ANKFN1: variants seen among roughly 807,000 people sequenced by gnomAD.
The protein encoded by ANKFN1 is ankyrin repeat and fibronectin type-III domain-containing protein 1.
In ANKFN1, 74 loss-of-function variants were observed where a neutral mutation model predicts 108.7. The ratio of observed to expected loss-of-function variants is 0.68; its 90% confidence interval spans 0.56 to 0.83. The LOEUF (loss-of-function observed/expected upper bound fraction) is 0.83, where lower values mean the gene tolerates loss of function less well. Among genes scored for constraint, ANKFN1 ranks in the 40% least tolerant of loss-of-function variants. ANKFN1 has a pLI of 0.00. For missense variants in ANKFN1, 1,505 were observed against 1,382.3 expected, an observed-to-expected ratio of 1.09 and a Z score of -1.41; for synonymous variants, 547 against 516.2, an observed-to-expected ratio of 1.06 and a Z score of -0.81.
Position 56,368,179 on chromosome 17 carries a change from G to C in ANKFN1, c.602-4467G>C. 3.0e-6 allele frequency: 4 copies of C among 1,322,126 alleles called. No homozygotes were observed. In the South Asian group the frequency reaches 6.3e-5, roughly 21 times the overall value. 81.9% of individuals were successfully genotyped at this position (1,322,126 alleles called of 1,614,324 possible). On this transcript the variant is annotated intron_variant, in intron 6 of 20. Transcript: ENST00000682825. ...GACTGATCCAGAGAATGAACCTTTT[G>C]ATGAAGATCAGCATACACAAATTAC...
intron 3 of ANKFN1, among the ~76,000 whole-genome samples, chr17:56,304,145 C>T (rs1318418239): frequency 6.6e-6 from 1 of 152,116 alleles, no homozygotes. Context: ...TATGATCACA[C>T]CCACTTCCCT....
intron 8 of ANKFN1, among the ~76,000 whole-genome samples, chr17:56,421,285 G>A (rs1305095255): frequency 3.9e-5 from 6 of 152,208 alleles, no homozygotes; most frequent in African/African-American, 9.7e-5. Flanking sequence ...TTAGAGGAAT[G>A]AGATGCCTCA....
intron 2 of ANKFN1, among the ~76,000 whole-genome samples, chr17:56,218,682 C>A (rs1915619638): frequency 6.6e-6 from 1 of 152,186 alleles, no homozygotes; most frequent in Non-Finnish European, 1.5e-5. Flanking sequence ...ATCACCAGAG[C>A]CATCCTTCAC....
At chr17:56,080,766 A>G (rs1396915610) in intron 4 of ANKFN1, among the ~76,000 whole-genome samples, 8 of 152,204 alleles carry the variant, frequency 5.3e-5, no homozygotes, top group Non-Finnish European at 8.8e-5. Context: ...GTATGTATAC[A>G]CGTTTTATGT....
In ANKFN1 at chr17:56,457,358, C is replaced by T; in HGVS notation, c.1409C>T (p.Ser470Phe). ...GAAATAGATGACTCTCACACCAGTT[C>T]TATTACACAAGATTTTCTGTGGTTC... ...IVEIDDSHTS[S>F]ITQDFLWFTK... Residue 470 changes from serine to phenylalanine, a missense_variant, in exon 13 of 21, where the codon TCT becomes TTT. Coordinates refer to ENST00000682825, the MANE Select transcript of ANKFN1 (RefSeq NM_001370326.1). 1 of 1,603,140 alleles carries T rather than the reference C, an allele frequency of 6.2e-7. No individual in the cohort carries two copies. The highest frequency in any genetic ancestry group is 8.5e-7 in the Non-Finnish European group (1 of 1,177,512).
At chr17:56,096,085 C>A (rs987815267) in intron 4 of ANKFN1, among the ~76,000 whole-genome samples, 2 of 152,110 alleles carry the variant, frequency 1.3e-5, no homozygotes, top group Non-Finnish European at 2.9e-5. Context: ...TTGTTGTTAG[C>A]ACTAAATTAA....
intron 1 of ANKFN1, among the ~76,000 whole-genome samples, chr17:56,174,634 C>T (rs1266640400): frequency 6.6e-6 from 1 of 152,174 alleles, no homozygotes; most frequent in African/African-American, 2.4e-5. Flanking sequence ...ACAAGAGCTA[C>T]AGCTCCCTGT....
chr17:56,181,181 C>A (rs991729164), intron 1 of ANKFN1, among the ~76,000 whole-genome samples: 1 of 152,094 alleles, frequency 6.6e-6, no homozygotes, highest in East Asian at 1.9e-4. Flanking sequence ...CATAACACAG[C>A]GAAGAAGTTT....
intron 19 of ANKFN1, 90 bp downstream of exon 19, chr17:56,492,443 C>T: frequency 3.1e-6 from 2 of 637,488 alleles, no homozygotes; most frequent in African/African-American, 1.8e-5. Context: ...GACAGCAGTC[C>T]AGGCTGATTC....
chr17:56,296,003 A>C (rs897313792), intron 3 of ANKFN1, among the ~76,000 whole-genome samples: 2 of 152,236 alleles, frequency 1.3e-5, no homozygotes, highest in Non-Finnish European at 2.9e-5. Context: ...TCAAACCACT[A>C]TGGATACACA....
At chr17:56,287,563 G>A (rs941714866) in intron 3 of ANKFN1, among the ~76,000 whole-genome samples, 5 of 152,106 alleles carry the variant, frequency 3.3e-5, no homozygotes, top group Non-Finnish European at 5.9e-5. Context: ...TACATTTAGA[G>A]CCAGGCTTTC....
intron 16 of ANKFN1, 132 bp from the exon 17 acceptor site, chr17:56,480,536 T>C (rs896021341): frequency 1.0e-6 from 1 of 979,284 alleles, no homozygotes; most frequent in Non-Finnish European, 1.5e-6. Flanking sequence ...AATGTTCAAA[T>C]TTCATGAATT....
rs532478490 is a variant in ANKFN1 at position 56,122,389 on chromosome 17, T to A, written c.288+76064T>A. On this transcript the variant is annotated intron_variant, in intron 4 of 12. Coordinates refer to the ANKFN1 transcript ENST00000635860. Reference sequence around the variant, plus strand: ...GAGATCTTCTTTGTTGTCACTGTTTTACTTCCATATCATGGATTTGCTTTT... The same window carrying A: ...GAGATCTTCTTTGTTGTCACTGTTTAACTTCCATATCATGGATTTGCTTTT... 2.0e-5 allele frequency among the ~76,000 whole-genome samples: 3 copies of A among 152,366 alleles called. No homozygotes were observed. In the South Asian group the frequency reaches 6.2e-4, roughly 32 times the overall value.
chr17:56,191,974 T>A (rs1378023187), intron 1 of ANKFN1, among the ~76,000 whole-genome samples: 1 of 152,076 alleles, frequency 6.6e-6, no homozygotes, highest in Non-Finnish European at 1.5e-5. Flanking sequence ...TCATCTTCCA[T>A]TGCTGATACC....
rs144802873 is a variant in ANKFN1 at position 56,212,588 on chromosome 17, T to C, written c.-70-10T>C. ...TAGGGAGGATTATCTCTTTCTCTCT[T>C]TTGGAATAGTGCCAATAGGATAAGA... On this transcript the variant is annotated splice_polypyrimidine_tract_variant and intron_variant, in intron 1 of 20. Coordinates refer to ENST00000682825, the MANE Select transcript of ANKFN1 (RefSeq NM_001370326.1). Among the ~76,000 whole-genome samples the C allele has an allele frequency of 2.0e-5, 3 of 152,328 alleles. No homozygotes were observed. Among genetic ancestry groups the C allele is most frequent in the African/African-American group, 7.2e-5 (3 of 41,560 alleles).
At chr17:56,253,874 A>T (rs898947790) in intron 3 of ANKFN1, among the ~76,000 whole-genome samples, 7 of 152,078 alleles carry the variant, frequency 4.6e-5, no homozygotes, top group Non-Finnish European at 1.5e-5. Context: ...CTTTGATTGG[A>T]CTATTGGAGT....
chr17:56,105,382 A>G (rs1313367169), intron 4 of ANKFN1, among the ~76,000 whole-genome samples: 1 of 151,836 alleles, frequency 6.6e-6, no homozygotes, highest in Non-Finnish European at 1.5e-5. Context: ...ACCCCTGCAC[A>G]CCTCCGAGGC....
At chr17:56,253,393 C>A (rs1413123962) in intron 3 of ANKFN1, among the ~76,000 whole-genome samples, 1 of 152,086 alleles carries the variant, frequency 6.6e-6, no homozygotes, top group East Asian at 1.9e-4. Context: ...GTTTCCTGAG[C>A]CATTCTGAAG....
chr17:56,443,905 T>C (rs1000229071), intron 10 of ANKFN1, among the ~76,000 whole-genome samples: 2 of 152,238 alleles, frequency 1.3e-5, no homozygotes, highest in South Asian at 4.1e-4. Context: ...CATATGTTTC[T>C]TGTGAGAGTA....
Sources: allele counts gnomAD v4.1 joint callset (sites outside exome capture counted in the v4.1 genomes callset), GRCh38; gene constraint gnomAD v4.1.1; transcripts MANE v1.5; gene names NCBI Gene and HGNC (gene_info 2026-07-23, HGNC 2026-07-21).